Variants in ANKRD46 observed in about 807,000 individuals in gnomAD.
ANKRD46 encodes the protein ankyrin repeat domain 46.
A neutral mutation model predicts 19.8 loss-of-function variants in ANKRD46; 13 were observed. The observed-to-expected ratio is 0.66, with a 90% CI of 0.43 to 1.04. The LOEUF is 1.04. Among genes scored for constraint, ANKRD46 ranks in the 50% least tolerant of loss-of-function variants. ANKRD46 has a pLI of 0.00. For synonymous variants in ANKRD46, 91 were observed against 106.9 expected (o/e 0.85, Z 0.92); for missense variants, 185 against 274.8 (o/e 0.67, Z 2.31).
At position 100,532,967 on chromosome 8, in the gene ANKRD46, T is replaced by A. The variant is rs1297291885; in HGVS notation, c.-28+242A>T. ...GTAAGAATTCTTGTGGTTTGCAGAC[T>A]AGGATACTTCTGAGTGTTGGCTCAG... On this transcript the variant is annotated intron_variant, in intron 2 of 4. Transcript: ENST00000335659. This position sits in a 1 kb window ranked among gnomAD's most constrained non-coding sequence, Gnocchi z 4.7. Among the ~76,000 whole-genome samples the A allele has an allele frequency of 2.6e-5, 4 of 152,234 alleles. No individual in the cohort carries two copies. Among genetic ancestry groups the A allele is most frequent in the Non-Finnish European group, 4.4e-5 (3 of 68,036 alleles).
At chr8:100,523,648 CT>C (rs906667165) in intron 4 of ANKRD46, among the ~76,000 whole-genome samples, 207 of 144,836 alleles carry the variant, frequency 1.4e-3, no homozygotes, top group Non-Finnish European at 1.5e-3. Flanking sequence ...ATCAGAAATT[CT>C]TTTTTTTTTT....
Position 100,550,037 on chromosome 8 carries a change from C to T in ANKRD46, c.-131+9674G>A, listed in dbSNP as rs1812351541. On this transcript the variant is annotated intron_variant, in intron 1 of 4. Coordinates refer to ENST00000335659, the MANE Select transcript of ANKRD46 (RefSeq NM_001270377.2). This position sits in a 1 kb window ranked among gnomAD's most constrained non-coding sequence, Gnocchi z 4.4. ...CTTTAGGACTGCATAATATGTCATTCTCTGTATGTATTACAGTTTATCTGT... is the reference window on the plus strand; with the variant it reads ...CTTTAGGACTGCATAATATGTCATTTTCTGTATGTATTACAGTTTATCTGT... Among the ~76,000 whole-genome samples the T allele has an allele frequency of 6.6e-6, 1 of 152,178 alleles. No individual in the cohort carries two copies. Among genetic ancestry groups the T allele is most frequent in the Non-Finnish European group, 1.5e-5 (1 of 68,038 alleles).
chr8:100,539,760 G>A (rs906376773), intron 1 of ANKRD46, among the ~76,000 whole-genome samples: 2 of 152,096 alleles, frequency 1.3e-5, no homozygotes, highest in Non-Finnish European at 2.9e-5. Context: ...CTTAAAGACA[G>A]GCCACTAGCC....
intron 5 of ANKRD46, among the ~76,000 whole-genome samples, chr8:100,514,164 T>G (rs1464256271): frequency 1.3e-5 from 2 of 152,208 alleles, no homozygotes. Flanking sequence ...CAATTATTCT[T>G]GAACCTCTAA....
rs887528552 is a variant in ANKRD46, at chr8:100,537,112, T to A, written c.-130-3801A>T. Among the ~76,000 whole-genome samples the A allele has an allele frequency of 6.6e-6, 1 of 152,174 alleles. No individual in the cohort carries two copies. The highest frequency in any genetic ancestry group is 1.5e-5 in the Non-Finnish European group (1 of 68,026). ...CAAATTTTGGATCCACAATCTTAGG[T>A]CAATCTGTAAAACTTTAAGATATAA... On this transcript the variant is annotated intron_variant, in intron 1 of 4. Coordinates refer to ENST00000335659, the MANE Select transcript of ANKRD46 (RefSeq NM_001270377.2). This position sits in a 1 kb window ranked among gnomAD's most constrained non-coding sequence, Gnocchi z 4.2.
In ANKRD46 at chr8:100,550,188, C is replaced by T. The variant is rs114511703; in HGVS notation, c.-131+9523G>A. ...ACTCCTTTGGGTAAATACCAAGGAG[C>T]ATGATTGCTGGATGGTAAGAGTATG... On this transcript the variant is annotated intron_variant, in intron 1 of 4. Coordinates refer to ENST00000335659, the MANE Select transcript of ANKRD46 (RefSeq NM_001270377.2). The surrounding 1 kb of genome is among the most constrained non-coding windows in gnomAD (Gnocchi z 4.4). Among the ~76,000 whole-genome samples, 1,092 of 152,338 alleles carry T rather than the reference C, an allele frequency of 7.2e-3. 16 individuals carry two copies. The highest frequency in any genetic ancestry group is 0.025 in the African/African-American group (1,043 of 41,564).
chr8:100,538,076 A>G (rs1812099321), intron 1 of ANKRD46, among the ~76,000 whole-genome samples: 1 of 152,208 alleles, frequency 6.6e-6, no homozygotes. Flanking sequence ...GCTGACTGCA[A>G]TGCCTGGCAC....
chr8:100,526,459 A>G (rs1275387793), intron 4 of ANKRD46, among the ~76,000 whole-genome samples: 1 of 152,242 alleles, frequency 6.6e-6, no homozygotes, highest in African/African-American at 2.4e-5. Flanking sequence ...TTAACAAATA[A>G]TAGTTAACTC....
At position 100,522,405 on chromosome 8, in the gene ANKRD46, C is replaced by A. The variant is rs945952347; in HGVS notation, c.*150G>T. The A allele has an allele frequency of 6.9e-7, 1 of 1,440,180 alleles. No homozygotes were observed. Among genetic ancestry groups the A allele is most frequent in the African/African-American group, 1.4e-5 (1 of 69,772 alleles). 89.2% of individuals were successfully genotyped at this position (1,440,180 alleles called of 1,614,324 possible). On this transcript the variant is annotated 3_prime_UTR_variant, in exon 5 of 5. Coordinates refer to ENST00000335659, the MANE Select transcript of ANKRD46 (RefSeq NM_001270377.2). ...ATGTAGTTAGTTCAAATGAACACAT[C>A]ATTATCTAAAAGGATTACAATAATT...
chr8:100,552,251 C>T (rs577892584), intron 1 of ANKRD46, among the ~76,000 whole-genome samples: 1 of 150,890 alleles, frequency 6.6e-6, no homozygotes, highest in Non-Finnish European at 1.5e-5. Flanking sequence ...AATTCCTTTT[C>T]GTCTGAGATC....
downstream of ANKRD46, among the ~76,000 whole-genome samples, chr8:100,516,543 T>A (rs921096471): frequency 6.6e-6 from 1 of 152,108 alleles, no homozygotes; most frequent in Non-Finnish European, 1.5e-5. Flanking sequence ...TAGGCTAAAG[T>A]GAATATTTAG....
rs990800453 is a variant in ANKRD46, at chr8:100,524,760, C to T, written c.471-1989G>A. ...ACATGTTAGGTATAAAATGAAAATT[C>T]CATGAGCATTCTCATTGTTCTTCAG... On this transcript the variant is annotated intron_variant, in intron 4 of 4. Transcript: ENST00000335659. The surrounding 1 kb of genome is among the most constrained non-coding windows in gnomAD (Gnocchi z 4.3). 6.6e-6 allele frequency among the ~76,000 whole-genome samples: 1 copy of T among 152,086 alleles called. No homozygotes were observed. Among genetic ancestry groups the T allele is most frequent in the Non-Finnish European group, 1.5e-5 (1 of 68,014 alleles).
chr8:100,528,243 T>C (rs1324933810), intron 3 of ANKRD46, among the ~76,000 whole-genome samples: 1 of 152,176 alleles, frequency 6.6e-6, no homozygotes, highest in Non-Finnish European at 1.5e-5. Flanking sequence ...ATGGGATTTT[T>C]GCACAGTTCA....
rs1303808373 is a variant in ANKRD46 at position 100,545,569 on chromosome 8, AGT to A, written c.-130-12260_-130-12259del. Reference sequence around the variant, plus strand: ...GTTTATAAATTACCCAGCCTCAAGTAGTAACTTTATAGCAGTGTGAAAACAGA... The same window carrying A: ...GTTTATAAATTACCCAGCCTCAAGTAAACTTTATAGCAGTGTGAAAACAGA... On this transcript the variant is annotated intron_variant, in intron 1 of 4. Transcript: ENST00000335659. This position sits in a 1 kb window ranked among gnomAD's most constrained non-coding sequence, Gnocchi z 4.7. Among the ~76,000 whole-genome samples the A allele has an allele frequency of 6.6e-6, 1 of 152,228 alleles. No homozygotes were observed. The highest frequency in any genetic ancestry group is 1.9e-4 in the East Asian group (1 of 5,200).
chr8:100,512,210 G>C (rs549825884), intron 5 of ANKRD46, among the ~76,000 whole-genome samples: 3 of 152,158 alleles, frequency 2.0e-5, no homozygotes, highest in South Asian at 2.1e-4. Flanking sequence ...GCATCATTTC[G>C]AGGGTGGGGA....
downstream of ANKRD46, among the ~76,000 whole-genome samples, chr8:100,518,778 G>T (rs1490893757): frequency 6.6e-6 from 1 of 151,896 alleles, no homozygotes; most frequent in African/African-American, 2.4e-5. Flanking sequence ...CGTGAACCCG[G>T]GAGGCAGAGC....
intron 5 of ANKRD46, among the ~76,000 whole-genome samples, chr8:100,515,662 G>GC (rs1459899433): frequency 1.7e-5 from 2 of 115,902 alleles, no homozygotes; most frequent in Non-Finnish European, 3.8e-5. Flanking sequence ...GTGCGGGGGA[G>GC]GGGGGGGGCG....
At chr8:100,512,928 T>A (rs1036239257) in intron 5 of ANKRD46, among the ~76,000 whole-genome samples, 4 of 152,188 alleles carry the variant, frequency 2.6e-5, no homozygotes, top group African/African-American at 4.8e-5. Context: ...GGCATTTTCC[T>A]TCTCCCATTA....
intron 3 of ANKRD46, among the ~76,000 whole-genome samples, chr8:100,528,516 TC>T (rs375833587): frequency 2.7e-5 from 4 of 149,560 alleles, no homozygotes; most frequent in Non-Finnish European, 5.9e-5. Context: ...CCCTTGTTTT[TC>T]TTTTTTTTTT....
Sources: allele counts gnomAD v4.1 joint callset (sites outside exome capture counted in the v4.1 genomes callset), GRCh38; gene constraint gnomAD v4.1.1; non-coding constraint Gnocchi (gnomAD v3.1); transcripts MANE v1.5; gene names NCBI Gene and HGNC (gene_info 2026-07-23, HGNC 2026-07-21).